Variants in TMEM117 observed in about 807,000 individuals in gnomAD.
TMEM117 encodes the protein transmembrane protein 117.
A neutral mutation model predicts 52.4 loss-of-function variants in TMEM117; 27 were observed. The ratio of observed to expected loss-of-function variants is 0.51; its 90% CI spans 0.38 to 0.71. The LOEUF (loss-of-function observed/expected upper bound fraction) is 0.71, where lower values mean the gene tolerates loss of function less well. TMEM117 is among the 30% of genes least tolerant of loss of function. The pLI is 0.00. For synonymous variants in TMEM117, 215 were observed against 206.3 expected, an observed-to-expected ratio of 1.04 and a Z score of -0.36; for missense variants, 556 against 630.5, an observed-to-expected ratio of 0.88 and a Z score of 1.26.
intron 6 of TMEM117, among the ~76,000 whole-genome samples, chr12:44,349,906 AATT>A (rs1951538945): frequency 6.6e-6 from 1 of 152,056 alleles, no homozygotes; most frequent in South Asian, 2.1e-4. Flanking sequence ...AGTATCAGCC[AATT>A]TGCCACATGC....
intron 1 of TMEM117, among the ~76,000 whole-genome samples, chr12:43,837,640 G>A (rs940323762): frequency 6.6e-5 from 10 of 152,142 alleles, no homozygotes; most frequent in African/African-American, 2.4e-4. Context: ...CCACTGCTCC[G>A]GGCTGGCAAT....
intron 2 of TMEM117, among the ~76,000 whole-genome samples, chr12:43,862,436 C>A (rs541140192): frequency 3.3e-5 from 5 of 152,154 alleles, no homozygotes; most frequent in Non-Finnish European, 7.3e-5. Context: ...GGATTACAGG[C>A]GTGAGCCGCT....
At chr12:44,039,262 A>G (rs1428158882) in intron 3 of TMEM117, among the ~76,000 whole-genome samples, 1 of 152,042 alleles carries the variant, frequency 6.6e-6, no homozygotes. Context: ...TCTCTGGCAT[A>G]TCAATTTTAC....
chr12:44,263,976 A>G (rs534301743), intron 5 of TMEM117: 19 of 152,252 alleles, frequency 1.2e-4, no homozygotes, highest in Non-Finnish European at 2.4e-4. Context: ...GATGTTTTAC[A>G]ACAGTTCTAC....
At chr12:43,805,738 A>C in the TMEM117 span, 21 of 1,239,732 alleles carry the variant, frequency 1.7e-5, no homozygotes, top group Non-Finnish European at 2.3e-5. Flanking sequence ...TTTGGGAAGC[A>C]CCCCTACTGA....
At chr12:44,190,340 C>T (rs1384937812) in intron 4 of TMEM117, among the ~76,000 whole-genome samples, 1 of 152,082 alleles carries the variant, frequency 6.6e-6, no homozygotes, top group Non-Finnish European at 1.5e-5. Flanking sequence ...TCAAGCTATG[C>T]TTCTCAATGA....
chr12:44,243,252 G>A (rs1019549734), intron 5 of TMEM117, among the ~76,000 whole-genome samples: 1 of 151,518 alleles, frequency 6.6e-6, no homozygotes, highest in African/African-American at 2.4e-5. Flanking sequence ...GTATTTATTT[G>A]TATGTTACCT....
intron 6 of TMEM117, among the ~76,000 whole-genome samples, chr12:44,347,819 C>T (rs189852919): frequency 3.9e-5 from 6 of 152,182 alleles, no homozygotes; most frequent in Admixed American, 3.3e-4. Context: ...CTCTTCTTTA[C>T]TCAGCTCTTA....
At chr12:44,020,820 A>G (rs1363183540) in intron 3 of TMEM117, among the ~76,000 whole-genome samples, 1 of 152,204 alleles carries the variant, frequency 6.6e-6, no homozygotes, top group East Asian at 1.9e-4. Flanking sequence ...AATAGAGGCT[A>G]CAATACATAG....
At chr12:44,308,559 A>G (rs1000904162) in intron 6 of TMEM117, among the ~76,000 whole-genome samples, 1 of 151,568 alleles carries the variant, frequency 6.6e-6, no homozygotes, top group Non-Finnish European at 1.5e-5. Flanking sequence ...TGTATAGGTG[A>G]TGCTAAATGC....
intron 3 of TMEM117, among the ~76,000 whole-genome samples, chr12:43,976,374 G>T (rs1356182792): frequency 6.6e-6 from 1 of 151,850 alleles, no homozygotes; most frequent in African/African-American, 2.4e-5. Flanking sequence ...GGGACTGCTG[G>T]CACTAGGGGC....
At chr12:44,080,708 A>C (rs919350333) in intron 3 of TMEM117, among the ~76,000 whole-genome samples, 1 of 152,182 alleles carries the variant, frequency 6.6e-6, no homozygotes, top group African/African-American at 2.4e-5. Context: ...CAAAAGAAGA[A>C]GAATATTTTA....
chr12:44,367,103 A>G (rs1951799663), intron 6 of TMEM117, among the ~76,000 whole-genome samples: 1 of 152,176 alleles, frequency 6.6e-6, no homozygotes, highest in Non-Finnish European at 1.5e-5. Context: ...AATTCAACTT[A>G]TTTTATGCTA....
chr12:44,185,299 G>A (rs527505844), intron 4 of TMEM117, among the ~76,000 whole-genome samples: 2 of 152,024 alleles, frequency 1.3e-5, no homozygotes, highest in South Asian at 4.1e-4. Flanking sequence ...TCTAAGCTGA[G>A]GTCATAAGCT....
intron 2 of TMEM117, among the ~76,000 whole-genome samples, chr12:43,898,568 A>T (rs941257353): frequency 6.6e-6 from 1 of 152,044 alleles, no homozygotes; most frequent in Non-Finnish European, 1.5e-5. Context: ...TCCACTTTAG[A>T]TATCTAGGAT....
intron 5 of TMEM117, among the ~76,000 whole-genome samples, chr12:44,215,175 C>A (rs1202439153): frequency 6.6e-6 from 1 of 152,188 alleles, no homozygotes; most frequent in Non-Finnish European, 1.5e-5. Flanking sequence ...CTATGCACAG[C>A]AGTTTGAGCA....
intron 5 of TMEM117, among the ~76,000 whole-genome samples, chr12:44,213,012 C>T (rs1417608737): frequency 7.2e-5 from 11 of 152,264 alleles, no homozygotes; most frequent in African/African-American, 2.2e-4. Context: ...ATTCACACCT[C>T]ATCTTCATGG....
intron 3 of TMEM117, among the ~76,000 whole-genome samples, chr12:44,043,092 C>T (rs1681194145): frequency 6.6e-6 from 1 of 152,146 alleles, no homozygotes; most frequent in African/African-American, 2.4e-5. Context: ...TTTAGTGACT[C>T]CTTGACCGTA....
intron 3 of TMEM117, among the ~76,000 whole-genome samples, chr12:43,966,763 T>C (rs930517611): frequency 4.6e-5 from 7 of 152,364 alleles, no homozygotes; most frequent in African/African-American, 1.4e-4. Flanking sequence ...TCCATATTCA[T>C]AGTGAAGCCT....
Sources: gnomAD v4.1 joint callset for allele counts (sites outside exome capture counted in the v4.1 genomes callset) on GRCh38, gnomAD v4.1.1 for gene constraint, MANE v1.5 for transcripts, NCBI Gene and HGNC (gene_info 2026-07-23, HGNC 2026-07-21) for gene names.